CSNK1E: variants seen among roughly 807,000 people sequenced by gnomAD.
The protein encoded by CSNK1E is casein kinase 1 epsilon.
In CSNK1E, 17 loss-of-function variants were observed where a neutral mutation model predicts 46.1. The ratio of observed to expected loss-of-function variants is 0.37; its 90% CI spans 0.25 to 0.55. The LOEUF (loss-of-function observed/expected upper bound fraction) is 0.55. Among genes scored for constraint, CSNK1E ranks in the 20% least tolerant of loss-of-function variants. CSNK1E has a pLI of 0.82. For missense variants in CSNK1E, 386 were observed against 595.4 expected (o/e 0.65, Z 3.66); for synonymous variants, 241 against 242.6 (o/e 0.99, Z 0.06).
intron 2 of CSNK1E, among the ~76,000 whole-genome samples, chr22:38,313,705 G>A (rs887811746): frequency 1.1e-4 from 17 of 152,208 alleles, no homozygotes; most frequent in Admixed American, 6.5e-4. Flanking sequence ...TAGGGGTCCA[G>A]CAGCAACCCA....
rs777001494 is a variant in CSNK1E, at chr22:38,300,857, C to A, written c.432G>T (p.Leu144=). 2 of 1,614,106 alleles carry A rather than the reference C, an allele frequency of 1.2e-6. No individual in the cohort carries two copies. Among genetic ancestry groups the A allele is most frequent in the Non-Finnish European group, 1.7e-6 (2 of 1,180,046 alleles). Residue 144 remains leucine, a synonymous_variant, in exon 5 of 11, where the codon CTG becomes CTT. Transcript: ENST00000396832. This position sits in a 1 kb window ranked among gnomAD's most constrained non-coding sequence, Gnocchi z 4.4. Reference sequence around the variant, plus strand: ...CCAGGCCGAAGTCGATGATGTAGACCAGGTTGCCCTTCTTCCCCAGCCCCA... The same window carrying A: ...CCAGGCCGAAGTCGATGATGTAGACAAGGTTGCCCTTCTTCCCCAGCCCCA... ...FLMGLGKKGN[L]VYIIDFGLAK...
chr22:38,293,211 T>C, intron 10 of CSNK1E, 44 bp downstream of exon 10: 1 of 1,516,994 alleles, frequency 6.6e-7, no homozygotes, highest in African/African-American at 1.4e-5. Flanking sequence ...TGGGAGCTTC[T>C]AGGTCGGCTG....
chr22:38,310,164 C>G (rs1231473611), intron 2 of CSNK1E, among the ~76,000 whole-genome samples: 1 of 152,172 alleles, frequency 6.6e-6, no homozygotes, highest in African/African-American at 2.4e-5. Flanking sequence ...TGGGAGCCGG[C>G]TGAGCATAGA....
intron 1 of CSNK1E, among the ~76,000 whole-genome samples, chr22:38,315,967 C>T (rs77335705): frequency 0.038 from 5,794 of 152,138 alleles, 378 homozygotes; most frequent in African/African-American, 0.13. Context: ...CTCCCCAACA[C>T]CCCAGGGGTC....
At chr22:38,307,398 A>C (rs530616825) in intron 2 of CSNK1E, among the ~76,000 whole-genome samples, 4 of 151,944 alleles carry the variant, frequency 2.6e-5, no homozygotes, top group Admixed American at 2.6e-4. Flanking sequence ...AAAATACAAA[A>C]ATTAGCCAAG....
In CSNK1E at chr22:38,296,790, G is replaced by A; in HGVS notation, c.885+1996C>T. The A allele has an allele frequency of 2.8e-6, 4 of 1,425,040 alleles. No individual in the cohort carries two copies. The African/African-American group carries it at 5.7e-5, about 20-fold the overall frequency. 88.3% of individuals were successfully genotyped at this position (1,425,040 alleles called of 1,614,324 possible). On this transcript the variant is annotated intron_variant, in intron 7 of 10. Transcript: ENST00000396832. ...CAGAACGTTCTGGATGAAGGAAATG[G>A]TCCCATCTGCCTTGCCGGATGTGGT...
intron 4 of CSNK1E, among the ~76,000 whole-genome samples, chr22:38,302,488 T>G (rs2145838170): frequency 6.6e-6 from 1 of 152,336 alleles, no homozygotes; most frequent in Non-Finnish European, 1.5e-5. Context: ...CTCACGCCTG[T>G]AATCCCAGCA....
intron 2 of CSNK1E, among the ~76,000 whole-genome samples, chr22:38,308,544 C>T (rs2092708189): frequency 6.6e-6 from 1 of 152,142 alleles, no homozygotes; most frequent in Non-Finnish European, 1.5e-5. Context: ...CCCCAGGTAC[C>T]TCATGTGTAA....
At position 38,300,095 on chromosome 22, in the gene CSNK1E, G is replaced by A. The variant is rs777517365; in HGVS notation, c.566-30C>T. The A allele has an allele frequency of 6.2e-7, 1 of 1,606,212 alleles. No individual in the cohort carries two copies. Among genetic ancestry groups the A allele is most frequent in the South Asian group, 1.1e-5 (1 of 90,800 alleles). On this transcript the variant is annotated intron_variant, in intron 5 of 10. Coordinates refer to ENST00000396832, the MANE Select transcript of CSNK1E (RefSeq NM_152221.3). The surrounding 1 kb of genome is among the most constrained non-coding windows in gnomAD (Gnocchi z 4.4). Reference sequence around the variant, plus strand: ...ACAGAGAGTCAAAGACTAGGTGAGGGACAGGGGTCCACTCAGGCCCCTAAC... The same window carrying A: ...ACAGAGAGTCAAAGACTAGGTGAGGAACAGGGGTCCACTCAGGCCCCTAAC...
chr22:38,299,717 T>G (rs1297085602), intron 6 of CSNK1E, among the ~76,000 whole-genome samples, 178 bp downstream of exon 6: 1 of 152,216 alleles, frequency 6.6e-6, no homozygotes, highest in Non-Finnish European at 1.5e-5. Context: ...ACCATGTTAC[T>G]CAGGCTGGTC....
At chr22:38,314,489 C>G (rs567579681) in intron 1 of CSNK1E, among the ~76,000 whole-genome samples, 23 of 152,336 alleles carry the variant, frequency 1.5e-4, no homozygotes, top group African/African-American at 5.5e-4. Flanking sequence ...CTCCTACCCC[C>G]CAGGCTCCCA....
intron 4 of CSNK1E, among the ~76,000 whole-genome samples, chr22:38,301,996 C>CT (rs1431108420): frequency 1.3e-5 from 2 of 152,178 alleles, no homozygotes; most frequent in African/African-American, 4.8e-5. Context: ...CCTCCCTATG[C>CT]TGATGAAGGG....
rs1379372746 is a variant in CSNK1E, at chr22:38,298,778, T to C, written c.885+8A>G. On this transcript the variant is annotated splice_region_variant and intron_variant, in intron 7 of 10. Transcript: ENST00000396832. The surrounding 1 kb of genome is among the most constrained non-coding windows in gnomAD (Gnocchi z 4.2). ...CCCCAAGCCCGCCTTGGCCTCCAGG[T>C]GACTCACGAATTTCAGCATGTTCCA... The C allele has an allele frequency of 6.2e-7, 1 of 1,613,906 alleles. No homozygotes were observed. The highest frequency in any genetic ancestry group is 2.2e-5 in the East Asian group (1 of 44,872).
At chr22:38,299,355 A>G (rs1157830059) in intron 6 of CSNK1E, among the ~76,000 whole-genome samples, 1 of 152,228 alleles carries the variant, frequency 6.6e-6, no homozygotes, top group Non-Finnish European at 1.5e-5. Flanking sequence ...TCCTCCTCAA[A>G]AACACTGGGG....
chr22:38,298,538 T>C lies in CSNK1E; in HGVS notation c.885+248A>G, dbSNP rs911313952. On this transcript the variant is annotated intron_variant, in intron 7 of 10. Coordinates refer to ENST00000396832, the MANE Select transcript of CSNK1E (RefSeq NM_152221.3). The surrounding 1 kb of genome is among the most constrained non-coding windows in gnomAD (Gnocchi z 4.2). ...GCGGGCACCCAGGAGGGACCCCAGGTGAAGCCAGATCCTCCTTGTTCCGAC... is the reference window on the plus strand; with the variant it reads ...GCGGGCACCCAGGAGGGACCCCAGGCGAAGCCAGATCCTCCTTGTTCCGAC... The C allele has an allele frequency of 2.0e-6, 1 of 503,288 alleles. No homozygotes were observed. The highest frequency in any genetic ancestry group is 3.3e-5 in the Admixed American group (1 of 30,434). The allele number at this position is 503,288 out of a possible 1,614,324, so 31.2% of individuals were successfully genotyped here. A position where few individuals can be genotyped will look rare whatever the true frequency, so the allele number is the denominator to read the frequency against.
At position 38,316,256 on chromosome 22, in the gene CSNK1E, C is replaced by A. The variant is rs73884687; in HGVS notation, c.-13+904G>T. Among the ~76,000 whole-genome samples, 365 of 152,320 alleles carry A rather than the reference C, an allele frequency of 2.4e-3. 3 individuals carry two copies. The highest frequency in any genetic ancestry group is 8.6e-3 in the African/African-American group (357 of 41,578). ...ACCATCGCCTACCCCTGAGCCGGGG[C>A]CCTTGTCCCTCGGACGATTAAAATA... On this transcript the variant is annotated intron_variant, in intron 1 of 10. Coordinates refer to ENST00000396832, the MANE Select transcript of CSNK1E (RefSeq NM_152221.3).
At position 38,303,301 on chromosome 22, in the gene CSNK1E, TC is replaced by T; in HGVS notation, c.77-54del. On this transcript the variant is annotated intron_variant, in intron 2 of 10. Transcript: ENST00000396832. The surrounding 1 kb of genome is among the most constrained non-coding windows in gnomAD (Gnocchi z 4.7). ...AGGGTCACCCTCAAAGGCCAGGCAG[TC>T]CCAGGCGCCCCACTAAGCATTTCTG... The T allele has an allele frequency of 6.9e-7, 1 of 1,458,894 alleles. No homozygotes were observed. Among genetic ancestry groups the T allele is most frequent in the African/African-American group, 1.4e-5 (1 of 71,852 alleles). The allele number at this position is 1,458,894 out of a possible 1,614,324, so 90.4% of individuals were successfully genotyped here. A position where few individuals can be genotyped will look rare whatever the true frequency, so the allele number is the denominator to read the frequency against.
intron 1 of CSNK1E, chr22:38,316,951 CA>C (rs2092749846): frequency 6.6e-6 from 1 of 151,988 alleles, no homozygotes; most frequent in Non-Finnish European, 1.5e-5. Context: ...TGCAAAATAA[CA>C]GGCCCCCTCC....
intron 2 of CSNK1E, 54 bp downstream of exon 2, chr22:38,314,028 T>A: frequency 6.6e-7 from 1 of 1,504,862 alleles, no homozygotes; most frequent in Admixed American, 1.7e-5. Context: ...TCTTTCCTCC[T>A]CTTGGTCCCA....
Sources: gnomAD v4.1 joint callset for allele counts (sites outside exome capture counted in the v4.1 genomes callset) on GRCh38, gnomAD v4.1.1 for gene constraint, Gnocchi (gnomAD v3.1) non-coding constraint, MANE v1.5 for transcripts, NCBI Gene and HGNC (gene_info 2026-07-23, HGNC 2026-07-21) for gene names.